Variants in DCBLD2 observed in about 807,000 individuals in gnomAD.
The protein encoded by DCBLD2 is discoidin, CUB and LCCL domain containing 2.
In DCBLD2, 54 loss-of-function variants were observed where a neutral mutation model predicts 86.8. The observed-to-expected ratio is 0.62, with a 90% CI of 0.50 to 0.78. The LOEUF (loss-of-function observed/expected upper bound fraction) is 0.78. Ranked by LOEUF, DCBLD2 falls within the 30% of genes least tolerant of loss-of-function variation. The pLI, the probability that DCBLD2 is intolerant of heterozygous loss-of-function variation, is 0.00. For missense variants in DCBLD2, 908 were observed against 954.2 expected, an observed-to-expected ratio of 0.95 and a Z score of 0.64; for synonymous variants, 354 against 341.3, an observed-to-expected ratio of 1.04 and a Z score of -0.41.
At chr3:98,812,552 C>T (rs1285982524) in intron 9 of DCBLD2, 70 bp from the exon 10 acceptor site, 22 of 1,427,724 alleles carry the variant, frequency 1.5e-5, no homozygotes, top group East Asian at 4.9e-5. Flanking sequence ...TCCACTTAAA[C>T]ATGTTTTTGT....
At chr3:98,803,762 T>A (rs1282475385) in intron 13 of DCBLD2, among the ~76,000 whole-genome samples, 3 of 152,250 alleles carry the variant, frequency 2.0e-5, no homozygotes, top group Non-Finnish European at 4.4e-5. Context: ...GAAGGGTTGT[T>A]GAATTTTGTC....
At chr3:98,839,958 C>G (rs1386469304) in intron 3 of DCBLD2, among the ~76,000 whole-genome samples, 1 of 151,820 alleles carries the variant, frequency 6.6e-6, no homozygotes, top group Non-Finnish European at 1.5e-5. Context: ...AATCTGAGAA[C>G]AGGCAGCGGG....
chr3:98,849,275 A>T, intron 3 of DCBLD2, 186 bp downstream of exon 3: 1 of 659,980 alleles, frequency 1.5e-6, no homozygotes, highest in South Asian at 2.2e-5. Flanking sequence ...AGTAACGTTT[A>T]TGTACTTTTA....
intron 14 of DCBLD2, 115 bp from the exon 15 acceptor site, chr3:98,800,831 C>A: frequency 1.1e-5 from 15 of 1,364,306 alleles, no homozygotes; most frequent in Middle Eastern, 1.9e-4. Flanking sequence ...AATATCTCTA[C>A]AAACTTGCCT....
chr3:98,900,954 G>T, intron 1 of DCBLD2, 168 bp downstream of exon 1: 1 of 1,221,290 alleles, frequency 8.2e-7, no homozygotes. Context: ...GGGACAGACG[G>T]GCAAGACCTT....
chr3:98,894,776 T>C (rs1476843997), intron 1 of DCBLD2, among the ~76,000 whole-genome samples: 1 of 152,158 alleles, frequency 6.6e-6, no homozygotes, highest in Non-Finnish European at 1.5e-5. Context: ...CCAAATAATG[T>C]GCTCAGGGTA....
intron 2 of DCBLD2, among the ~76,000 whole-genome samples, chr3:98,869,979 A>C (rs10935514): frequency 0.32 from 48,103 of 152,142 alleles, 8,789 homozygotes; most frequent in East Asian, 0.69. Flanking sequence ...GCAATGCAAA[A>C]ATAATAATCA....
intron 1 of DCBLD2, among the ~76,000 whole-genome samples, chr3:98,889,360 G>C (rs1384674448): frequency 1.3e-5 from 2 of 152,012 alleles, no homozygotes; most frequent in Non-Finnish European, 2.9e-5. Context: ...GCTAATTAAA[G>C]GTTCTCAGGC....
intron 2 of DCBLD2, among the ~76,000 whole-genome samples, chr3:98,870,543 G>A (rs1261319169): frequency 6.6e-6 from 1 of 151,468 alleles, no homozygotes; most frequent in Non-Finnish European, 1.5e-5. Context: ...TAAGGCAGGA[G>A]GCTGAGGCTG....
Position 98,808,167 on chromosome 3 carries a change from C to T in DCBLD2, c.1584G>A (p.Ala528=), listed in dbSNP as rs34472032. 1.3e-4 allele frequency: 205 copies of T among 1,596,706 alleles called. 1 individual carries two copies. Among genetic ancestry groups the T allele is most frequent in the African/African-American group, 1.2e-3 (89 of 74,222 alleles). Residue 528 remains alanine (A), a synonymous_variant, in exon 13 of 16, where the codon GCG becomes GCA. Transcript: ENST00000326840. Reference sequence around the variant, plus strand: ...GCACAGGGACAAGAACTGCAGCCAGCGCTACATCTGAAGTTACAAAGACAA... The same window carrying T: ...GCACAGGGACAAGAACTGCAGCCAGTGCTACATCTGAAGTTACAAAGACAA... ...TVTPNVTKDV[A]LAAVLVPVLV... is the part of the protein sequence containing the mutation.
rs550926416 is a variant in DCBLD2 at position 98,819,091 on chromosome 3, C to T, written c.1087+111G>A. 69 of 1,042,552 alleles carry T rather than the reference C, an allele frequency of 6.6e-5. No individual in the cohort carries two copies. The African/African-American group carries it at 1.0e-3, about 15-fold the overall frequency. 64.6% of individuals were successfully genotyped at this position (1,042,552 alleles called of 1,614,324 possible). ...AACATCAGTGAAGAAAATATAAAAC[C>T]ATATAATTACAATTTTAATGCCTTA... On this transcript the variant is annotated intron_variant, in intron 8 of 15. Coordinates refer to ENST00000326840, the MANE Select transcript of DCBLD2 (RefSeq NM_080927.4).
At chr3:98,849,118 G>A (rs1200243054) in intron 3 of DCBLD2, among the ~76,000 whole-genome samples, 2 of 149,496 alleles carry the variant, frequency 1.3e-5, no homozygotes, top group East Asian at 2.0e-4. Flanking sequence ...GCGGTGAGCC[G>A]AGATCACACC....
chr3:98,804,347 G>T (rs1941789836), intron 13 of DCBLD2, among the ~76,000 whole-genome samples: 1 of 152,158 alleles, frequency 6.6e-6, no homozygotes, highest in Admixed American at 6.5e-5. Context: ...GGTGTTTGTA[G>T]TATTCTCTGA....
intron 7 of DCBLD2, among the ~76,000 whole-genome samples, chr3:98,819,909 T>C (rs906502939): frequency 1.3e-5 from 2 of 152,192 alleles, no homozygotes; most frequent in Non-Finnish European, 2.9e-5. Flanking sequence ...AGGCAGGAGT[T>C]TGTTCACTTT....
chr3:98,871,096 A>G (rs1048327091), intron 2 of DCBLD2, among the ~76,000 whole-genome samples: 1 of 149,966 alleles, frequency 6.7e-6, no homozygotes, highest in Non-Finnish European at 1.5e-5. Context: ...CTTGGTCATT[A>G]TTGGTATATA....
intron 13 of DCBLD2, among the ~76,000 whole-genome samples, chr3:98,805,416 T>G (rs144954189): frequency 4.7e-4 from 71 of 152,314 alleles, no homozygotes; most frequent in African/African-American, 1.7e-3. Flanking sequence ...TGCCCTATAT[T>G]GCTAGGACAA....
At position 98,825,342 on chromosome 3, in the gene DCBLD2, G is replaced by A; in HGVS notation, c.596C>T (p.Ala199Val). ...KQDLITCLDT[A>V]SNFLEPEFSK... Reference sequence around the variant, plus strand: ...GAACTCAGGTTCCAAAAAATTGGATGCAGTGTCCAAACAAGTAATTAGATC... The same window carrying A: ...GAACTCAGGTTCCAAAAAATTGGATACAGTGTCCAAACAAGTAATTAGATC... Residue 199 changes from alanine (A) to valine (V), a missense_variant, in exon 4 of 16, where the codon GCA becomes GTA. Ala to Val is a moderately conservative substitution (Grantham distance 64). Transcript: ENST00000326840. The A allele has an allele frequency of 6.4e-7, 1 of 1,551,116 alleles. No homozygotes were observed. Among genetic ancestry groups the A allele is most frequent in the Admixed American group, 2.1e-5 (1 of 47,132 alleles).
intron 13 of DCBLD2, 143 bp downstream of exon 13, chr3:98,807,938 G>C (rs1316777766): frequency 7.4e-6 from 4 of 539,264 alleles, no homozygotes; most frequent in East Asian, 3.4e-5. Flanking sequence ...TTTTTAATGG[G>C]AATAAAGGAG....
Position 98,797,108 on chromosome 3 carries a change from A to T in DCBLD2, c.*2264T>A, listed in dbSNP as rs1453561100. 6.6e-6 allele frequency: 1 copy of T among 152,168 alleles called. No individual in the cohort carries two copies. Among genetic ancestry groups the T allele is most frequent in the Non-Finnish European group, 1.5e-5 (1 of 67,896 alleles). The allele number at this position is 152,168 out of a possible 1,614,324, so 9.4% of individuals were successfully genotyped here. A position where few individuals can be genotyped will look rare whatever the true frequency, so the allele number is the denominator to read the frequency against. On this transcript the variant is annotated 3_prime_UTR_variant, in exon 16 of 16. Transcript: ENST00000326840. Reference sequence around the variant, plus strand: ...TGAACTAAAAAGAAGTATAAAGCAGAAAAACCATTTGAATCAGGCTCAGCT... The same window carrying T: ...TGAACTAAAAAGAAGTATAAAGCAGTAAAACCATTTGAATCAGGCTCAGCT...
Sources: allele counts gnomAD v4.1 joint callset (sites outside exome capture counted in the v4.1 genomes callset), GRCh38; gene constraint gnomAD v4.1.1; transcripts MANE v1.5; gene names NCBI Gene and HGNC (gene_info 2026-07-23, HGNC 2026-07-21).